The following SCAPER variants were observed in gnomAD, a reference collection of about 807,000 sequenced individuals.
SCAPER encodes S phase cyclin A-associated protein in the endoplasmic reticulum.
Under a neutral mutation model 182.2 loss-of-function variants are expected in SCAPER, and 98 were observed. The ratio of observed to expected loss-of-function variants is 0.54; its 90% confidence interval spans 0.46 to 0.64. The LOEUF (loss-of-function observed/expected upper bound fraction) is 0.64, where lower values mean the gene tolerates loss of function less well. SCAPER is among the 30% of genes least tolerant of loss of function. SCAPER has a pLI of 0.00. For missense variants in SCAPER, 1,432 were observed against 1,690.0 expected, an observed-to-expected ratio of 0.85 and a Z score of 2.68; for synonymous variants, 605 against 564.6, an observed-to-expected ratio of 1.07 and a Z score of -1.01.
intron 21 of SCAPER, among the ~76,000 whole-genome samples, chr15:76,652,518 TACACACACACACACACACACACAC>T (rs71143350): frequency 1.2e-4 from 11 of 88,926 alleles, no homozygotes; most frequent in Admixed American, 7.0e-4. Flanking sequence ...TTTACATACA[TACACACACACACACACACACACAC>T]ACACACACAC....
chr15:76,807,439 A>G (rs1453025250), intron 5 of SCAPER, among the ~76,000 whole-genome samples: 2 of 151,914 alleles, frequency 1.3e-5, no homozygotes, highest in Non-Finnish European at 2.9e-5. Flanking sequence ...GTGCTGCTAG[A>G]TTTGGTTTGC....
chr15:76,902,721 G>A (rs191440417), intron 1 of SCAPER, among the ~76,000 whole-genome samples: 3 of 152,252 alleles, frequency 2.0e-5, no homozygotes, highest in Admixed American at 1.3e-4. Flanking sequence ...TCCCAAAGAA[G>A]TTGTTTATCC....
At chr15:76,375,407 A>G (rs1412284205) in intron 29 of SCAPER, among the ~76,000 whole-genome samples, 1 of 152,060 alleles carries the variant, frequency 6.6e-6, no homozygotes, top group Non-Finnish European at 1.5e-5. Context: ...GGAAGGCTCT[A>G]AGCACCTAGG....
intron 25 of SCAPER, among the ~76,000 whole-genome samples, chr15:76,448,546 C>CTGAAACAAACGGCATGCTGTTTGT (rs2048162921): frequency 1.3e-5 from 2 of 152,034 alleles, no homozygotes; most frequent in African/African-American, 4.8e-5. Flanking sequence ...GAGAAAACAG[C>CTGAAACAAACGGCATGCTGTTTGT]TGAAACAAAC....
At chr15:76,801,789 G>A (rs1316804605) in intron 6 of SCAPER, among the ~76,000 whole-genome samples, 3 of 151,982 alleles carry the variant, frequency 2.0e-5, no homozygotes, top group East Asian at 3.9e-4. Context: ...GCGTGGTGGC[G>A]GGTGCCTGTA....
At chr15:76,674,828 T>C (rs1598084579) in intron 20 of SCAPER, among the ~76,000 whole-genome samples, 1 of 127,834 alleles carries the variant, frequency 7.8e-6, no homozygotes, top group African/African-American at 3.1e-5. Flanking sequence ...ATACATAATA[T>C]ATATTTTGTG....
chr15:76,444,595 C>A (rs557835137), intron 25 of SCAPER, among the ~76,000 whole-genome samples: 1 of 152,298 alleles, frequency 6.6e-6, no homozygotes, highest in South Asian at 2.1e-4. Flanking sequence ...TTGTGGTCTG[C>A]TCTGCTTCTT....
chr15:76,439,086 GA>G (rs1185993979), intron 25 of SCAPER, among the ~76,000 whole-genome samples: 4 of 149,952 alleles, frequency 2.7e-5, no homozygotes, highest in African/African-American at 9.7e-5. Flanking sequence ...GAGACAAAAT[GA>G]TTTTTTTTTT....
chr15:76,724,061 C>CTA (rs1567928908), intron 17 of SCAPER, among the ~76,000 whole-genome samples: 1 of 152,036 alleles, frequency 6.6e-6, no homozygotes, highest in African/African-American at 2.4e-5. Context: ...TGGGTGGTAC[C>CTA]GGTTGTTCCT....
intron 21 of SCAPER, among the ~76,000 whole-genome samples, chr15:76,660,051 T>C (rs1235142952): frequency 6.6e-6 from 1 of 152,230 alleles, no homozygotes; most frequent in Non-Finnish European, 1.5e-5. Flanking sequence ...CATGGAATAC[T>C]ATGCACCTAT....
intron 23 of SCAPER, among the ~76,000 whole-genome samples, chr15:76,548,635 T>C (rs994031886): frequency 1.3e-5 from 2 of 152,106 alleles, no homozygotes; most frequent in African/African-American, 4.8e-5. Flanking sequence ...TAGGCATAGT[T>C]TTTGTTGCTA....
intron 4 of SCAPER, among the ~76,000 whole-genome samples, chr15:76,852,003 G>C (rs2070809110): frequency 6.6e-6 from 1 of 151,784 alleles, no homozygotes; most frequent in South Asian, 2.1e-4. Flanking sequence ...AATCTACCAA[G>C]CAAATGGAAA....
At chr15:76,704,054 T>G (rs2059112788) in intron 18 of SCAPER, among the ~76,000 whole-genome samples, 1 of 152,150 alleles carries the variant, frequency 6.6e-6, no homozygotes, top group African/African-American at 2.4e-5. Context: ...AAAGTATCAG[T>G]TTATCATAAT....
chr15:76,371,320 T>TC lies in SCAPER; in HGVS notation c.3855+4841_3855+4842insG, dbSNP rs199651427. ...ACCTTATAATATTTCTCTCTCTCTC[T>TC]TTTTTTTTTTTTTTGTTGAAACGGA... is the stretch of plus-strand genomic sequence containing the variant. On this transcript the variant is annotated intron_variant, in intron 29 of 31. Coordinates refer to ENST00000563290, the MANE Select transcript of SCAPER (RefSeq NM_020843.4). 1.7e-3 allele frequency among the ~76,000 whole-genome samples: 217 copies of TC among 131,458 alleles called. 1 individual carries two copies. The highest frequency in any genetic ancestry group is 5.5e-3 in the African/African-American group (191 of 34,928). 86.2% of individuals were successfully genotyped at this position (131,458 alleles called of 152,430 possible).
intron 5 of SCAPER, among the ~76,000 whole-genome samples, chr15:76,821,743 T>TA (rs1041446371): frequency 2.3e-4 from 35 of 151,642 alleles, no homozygotes; most frequent in Admixed American, 3.9e-4. Flanking sequence ...TCATCCCTAC[T>TA]AAAAAATTTT....
intron 17 of SCAPER, among the ~76,000 whole-genome samples, chr15:76,723,504 T>G (rs547881918): frequency 6.6e-6 from 1 of 152,172 alleles, no homozygotes. Flanking sequence ...TTCTGTCTCA[T>G]TGATCTGTCT....
intron 27 of SCAPER, among the ~76,000 whole-genome samples, chr15:76,390,667 C>T (rs760426676): frequency 6.6e-6 from 1 of 152,166 alleles, no homozygotes; most frequent in Non-Finnish European, 1.5e-5. Flanking sequence ...ACACTTTTGA[C>T]CTCTCTAGCT....
chr15:76,612,108 A>T (rs1186876722), intron 22 of SCAPER, among the ~76,000 whole-genome samples: 2 of 152,252 alleles, frequency 1.3e-5, no homozygotes, highest in African/African-American at 4.8e-5. Flanking sequence ...ATCAGGCAAG[A>T]GAAATAAATA....
intron 23 of SCAPER, among the ~76,000 whole-genome samples, chr15:76,537,445 C>T (rs2044278248): frequency 6.6e-6 from 1 of 152,116 alleles, no homozygotes; most frequent in Admixed American, 6.5e-5. Context: ...TTTGACAAAC[C>T]TGAGAAAAAG....
Sources: allele counts gnomAD v4.1 joint callset (sites outside exome capture counted in the v4.1 genomes callset), GRCh38; gene constraint gnomAD v4.1.1; transcripts MANE v1.5; gene names NCBI Gene and HGNC (gene_info 2026-07-23, HGNC 2026-07-21).